The following PDE12 variants were observed in gnomAD, a reference collection of about 807,000 sequenced individuals.
PDE12 encodes the protein phosphodiesterase 12, also known as 2',5'-phosphodiesterase 12.
A neutral mutation model predicts 45.4 loss-of-function variants in PDE12; 26 were observed. The observed-to-expected ratio is 0.57, with a 90% CI of 0.42 to 0.79. The LOEUF is 0.79. PDE12 is among the 30% of genes least tolerant of loss of function. The probability of loss-of-function intolerance (pLI) is 0.00; values close to 1 mark genes in which losing one functional copy is unlikely to be tolerated. For missense variants in PDE12, 668 were observed against 790.0 expected (o/e 0.85, Z 1.85); for synonymous variants, 283 against 323.9 (o/e 0.87, Z 1.36).
Position 57,559,788 on chromosome 3 carries a change from C to G in PDE12, c.1614C>G (p.Phe538Leu), listed in dbSNP as rs762047993. 9.3e-6 allele frequency: 15 copies of G among 1,614,080 alleles called. No homozygotes were observed. Among genetic ancestry groups the G allele is most frequent in the African/African-American group, 1.3e-5 (1 of 74,934 alleles). Residue 538 changes from phenylalanine to leucine, a missense_variant, in exon 3 of 3, where the codon TTC becomes TTG. By Grantham distance (22) the Phe-to-Leu change is conservative. Around this residue, in one of 3 missense-constraint regions of PDE12, gnomAD observed 79 missense variants for 97.9 expected, o/e 0.81. Transcript: ENST00000311180. ...ERCNMSLTHFFKLKSACGEPA... is the reference protein window; with the variant it reads ...ERCNMSLTHFLKLKSACGEPA... Reference sequence around the variant, plus strand: ...GCAATATGTCTCTTACACATTTCTTCAAGCTGAAAAGTGCTTGTGGTGAAC... The same window carrying G: ...GCAATATGTCTCTTACACATTTCTTGAAGCTGAAAAGTGCTTGTGGTGAAC...
the PDE12 span, chr3:57,584,431 A>C: frequency 6.2e-7 from 1 of 1,613,888 alleles, no homozygotes. Context: ...CAGTTTATAC[A>C]GAATGGTTGT....
chr3:57,596,442 G>A, the PDE12 span, among the ~76,000 whole-genome samples: 1 of 152,152 alleles, frequency 6.6e-6, no homozygotes, highest in African/African-American at 2.4e-5. Context: ...AGTTTTCGGA[G>A]AATGAGATTA....
the PDE12 span, chr3:57,597,948 TA>T: frequency 1.3e-5 from 2 of 152,212 alleles, no homozygotes; most frequent in Non-Finnish European, 2.9e-5. Context: ...GAGCTAGGGC[TA>T]GACGCTTCGA....
In PDE12 at chr3:57,556,450, C is replaced by T. The variant is rs776981992; in HGVS notation, c.71C>T (p.Ala24Val). ...IRTAVEKLSR[A>V]EAGSQTAAGA... ...ACGGCGGTGGAGAAGCTGAGCCGGGCTGAAGCGGGGAGCCAGACAGCGGCG... is the reference window on the plus strand; with the variant it reads ...ACGGCGGTGGAGAAGCTGAGCCGGGTTGAAGCGGGGAGCCAGACAGCGGCG... The change falls in exon 1 of 3, where the codon GCT (alanine) becomes GTT (valine). Residue 24 changes from alanine (A) to valine (V), a missense_variant. This residue lies in a region of PDE12 where 580 missense variants were observed against 662.9 expected (regional missense o/e 0.87). Transcript: ENST00000311180. The surrounding 1 kb of genome is among the most constrained non-coding windows in gnomAD (Gnocchi z 5.0). The T allele has an allele frequency of 4.3e-6, 7 of 1,612,972 alleles. No individual in the cohort carries two copies. Among genetic ancestry groups the T allele is most frequent in the Admixed American group, 1.7e-5 (1 of 59,996 alleles).
the PDE12 span, chr3:57,572,055 TA>T: frequency 1.7e-6 from 1 of 592,410 alleles, no homozygotes; most frequent in South Asian, 2.2e-5. Context: ...ATAGCAACAT[TA>T]TACTCGGTAA....
chr3:57,578,936 C>A, the PDE12 span, among the ~76,000 whole-genome samples: 2 of 152,004 alleles, frequency 1.3e-5, no homozygotes, highest in African/African-American at 4.8e-5. Flanking sequence ...AAAAGATAAA[C>A]CTTGACTCCT....
chr3:57,619,875 A>C, the PDE12 span, among the ~76,000 whole-genome samples: 1 of 151,474 alleles, frequency 6.6e-6, no homozygotes, highest in Non-Finnish European at 1.5e-5. Context: ...AAATCAAATA[A>C]AAAATAAAAA....
chr3:57,570,678 C>A (rs1201937636), downstream of PDE12, among the ~76,000 whole-genome samples: 1 of 151,954 alleles, frequency 6.6e-6, no homozygotes, highest in African/African-American at 2.4e-5. Context: ...TCAAGTTGAG[C>A]CCTTAAAACT....
the PDE12 span, chr3:57,641,629 C>G: frequency 6.3e-7 from 1 of 1,590,534 alleles, no homozygotes; most frequent in South Asian, 1.1e-5. Context: ...ACACTAGAAA[C>G]AGAACACCAA....
At chr3:57,609,914 T>G in the PDE12 span, among the ~76,000 whole-genome samples, 6 of 152,120 alleles carry the variant, frequency 3.9e-5, no homozygotes, top group African/African-American at 1.4e-4. Context: ...TACCAAAGGC[T>G]GGCAGAGACA....
chr3:57,610,887 T>G, the PDE12 span, among the ~76,000 whole-genome samples: 2 of 152,140 alleles, frequency 1.3e-5, no homozygotes, highest in African/African-American at 4.8e-5. Context: ...AAAAACTACC[T>G]TAAAGTTCAT....
chr3:57,592,825 G>A, the PDE12 span, among the ~76,000 whole-genome samples: 1 of 152,110 alleles, frequency 6.6e-6, no homozygotes, highest in Non-Finnish European at 1.5e-5. Context: ...CTGAGAAAAT[G>A]CTTGTAATAA....
chr3:57,653,573 C>T, the PDE12 span, among the ~76,000 whole-genome samples: 2 of 151,490 alleles, frequency 1.3e-5, no homozygotes, highest in African/African-American at 4.8e-5. Context: ...GGTGAAACCC[C>T]GTCTCTACTA....
chr3:57,583,853 T>C, the PDE12 span: 1,974 of 1,366,962 alleles, frequency 1.4e-3, 7 homozygotes, highest in Middle Eastern at 7.2e-3. Context: ...CTTTAGAGCA[T>C]GAAACCCACA....
chr3:57,602,482 G>A, the PDE12 span, among the ~76,000 whole-genome samples: 1 of 152,130 alleles, frequency 6.6e-6, no homozygotes, highest in African/African-American at 2.4e-5. Context: ...TGTTTGGATC[G>A]TTTGGCCCAC....
rs1402533825 is a variant in PDE12, at chr3:57,562,577, C to T, written c.*2573C>T. ...TCTATTACATTTGGATTTTTTAGTACATTTAATTTTAAGAAAACATGGGAA... is the reference window on the plus strand; with the variant it reads ...TCTATTACATTTGGATTTTTTAGTATATTTAATTTTAAGAAAACATGGGAA... On this transcript the variant is annotated 3_prime_UTR_variant, in exon 3 of 3. Transcript: ENST00000311180. 1 of 152,130 alleles carries T rather than the reference C, an allele frequency of 6.6e-6. No homozygotes were observed. Among genetic ancestry groups the T allele is most frequent in the Admixed American group, 6.6e-5 (1 of 15,266 alleles). 9.4% of individuals were successfully genotyped at this position (152,130 alleles called of 1,614,324 possible).
downstream of PDE12, chr3:57,566,850 C>T (rs886853813): frequency 6.6e-6 from 1 of 152,132 alleles, no homozygotes; most frequent in Admixed American, 6.6e-5. Flanking sequence ...AATCCATCAT[C>T]CCTTGCCTTT....
chr3:57,575,626 G>A, the PDE12 span: 1 of 1,613,368 alleles, frequency 6.2e-7, no homozygotes, highest in Non-Finnish European at 8.5e-7. Context: ...AATCCTGTTT[G>A]TTTGCAAAAA....
In PDE12 at chr3:57,559,402, G is replaced by A; in HGVS notation, c.1387+14G>A. ...GGCATCCTAAAGGTAGGTTTTATTT[G>A]GTATCACAAGTGACTTAAACACGCT... On this transcript the variant is annotated intron_variant, in intron 2 of 2. Transcript: ENST00000311180. 1 of 1,599,036 alleles carries A rather than the reference G, an allele frequency of 6.3e-7. No individual in the cohort carries two copies. The highest frequency in any genetic ancestry group is 1.1e-5 in the South Asian group (1 of 90,718).
Sources: gnomAD v4.1 joint callset for allele counts (sites outside exome capture counted in the v4.1 genomes callset) on GRCh38, gnomAD v4.1.1 for gene constraint, gnomAD v4.1.1 regional missense constraint, Gnocchi (gnomAD v3.1) non-coding constraint, MANE v1.5 for transcripts, NCBI Gene and HGNC (gene_info 2026-07-23, HGNC 2026-07-21) for gene names.